Variants in RAD51B observed in about 807,000 individuals in gnomAD.
RAD51B encodes the protein DNA repair protein RAD51 homolog 2.
In RAD51B, 38 loss-of-function variants were observed where a neutral mutation model predicts 42.2. The observed-to-expected ratio is 0.90, with a 90% CI of 0.70 to 1.18. The LOEUF (loss-of-function observed/expected upper bound fraction) is 1.18, where lower values mean the gene tolerates loss of function less well. RAD51B is among the 50% of genes most tolerant of loss of function. RAD51B has a pLI of 0.00. For synonymous variants in RAD51B, 154 were observed against 145.2 expected (o/e 1.06, Z -0.43); for missense variants, 373 against 400.7 (o/e 0.93, Z 0.59).
At chr14:68,037,134 CTA>C (rs2076141562) in intron 7 of RAD51B, among the ~76,000 whole-genome samples, 1 of 9,096 alleles carries the variant, frequency 1.1e-4, no homozygotes, top group Non-Finnish European at 2.1e-4. Flanking sequence ...CTCCCCTACC[CTA>C]CCCTCCCCCC....
intron 8 of RAD51B, among the ~76,000 whole-genome samples, chr14:68,298,900 G>A (rs538633472): frequency 6.6e-6 from 1 of 152,320 alleles, no homozygotes; most frequent in South Asian, 2.1e-4. Context: ...GTGTTGTAAT[G>A]TGGCATGAAG....
intron 8 of RAD51B, among the ~76,000 whole-genome samples, chr14:68,351,419 G>A (rs1378071315): frequency 1.3e-5 from 2 of 151,984 alleles, no homozygotes; most frequent in Non-Finnish European, 2.9e-5. Flanking sequence ...ATTATTTGAT[G>A]AATGTTTATG....
chr14:67,914,846 C>G (rs186965362), intron 7 of RAD51B, among the ~76,000 whole-genome samples: 78 of 152,320 alleles, frequency 5.1e-4, no homozygotes, highest in Admixed American at 2.0e-3. Context: ...CCATCTGAAG[C>G]TGAATAAGGT....
intron 7 of RAD51B, among the ~76,000 whole-genome samples, chr14:67,932,507 G>A (rs1044219223): frequency 1.3e-5 from 2 of 152,092 alleles, no homozygotes; most frequent in Non-Finnish European, 2.9e-5. Context: ...TAGTTTTAGT[G>A]GGACCAAGAG....
intron 5 of RAD51B, among the ~76,000 whole-genome samples, chr14:67,875,473 T>G (rs2042695532): frequency 6.6e-6 from 1 of 152,198 alleles, no homozygotes; most frequent in Non-Finnish European, 1.5e-5. Context: ...AGATGGTGGT[T>G]GCATAAGATT....
intron 8 of RAD51B, among the ~76,000 whole-genome samples, chr14:68,294,431 ATGGATGTTAAGTTCC>A (rs1168316146): frequency 6.6e-6 from 1 of 152,192 alleles, no homozygotes; most frequent in East Asian, 1.9e-4. Context: ...ATATATTACA[ATGGATGTTAAGTTCC>A]TGTGATTTAC....
chr14:68,269,066 C>T (rs2081050114), intron 7 of RAD51B, among the ~76,000 whole-genome samples: 1 of 152,238 alleles, frequency 6.6e-6, no homozygotes, highest in Non-Finnish European at 1.5e-5. Context: ...CTTCTCCCAA[C>T]ACTCAGTGGC....
chr14:68,514,760 C>T (rs1430189674), intron 10 of RAD51B, among the ~76,000 whole-genome samples: 1 of 152,180 alleles, frequency 6.6e-6, no homozygotes, highest in Admixed American at 6.5e-5. Context: ...ACTGGAATCC[C>T]CTTCACCTGC....
At chr14:68,182,773 A>G (rs1314823319) in intron 7 of RAD51B, among the ~76,000 whole-genome samples, 3 of 152,254 alleles carry the variant, frequency 2.0e-5, no homozygotes, top group Non-Finnish European at 2.9e-5. Flanking sequence ...ATTTGCAAAC[A>G]TGCCTAGTTT....
At chr14:67,957,666 C>A (rs1282974625) in intron 7 of RAD51B, among the ~76,000 whole-genome samples, 1 of 152,194 alleles carries the variant, frequency 6.6e-6, no homozygotes, top group African/African-American at 2.4e-5. Context: ...CCAACCATTC[C>A]AAAAGCTAGT....
At chr14:67,882,626 G>A (rs1251646516) in intron 5 of RAD51B, among the ~76,000 whole-genome samples, 7 of 152,136 alleles carry the variant, frequency 4.6e-5, no homozygotes, top group Non-Finnish European at 8.8e-5. Flanking sequence ...TTTCCCCCAT[G>A]AAGGAAATAA....
rs748316980 is a variant in RAD51B, at chr14:68,434,337, C to A, written c.957+22810C>A. 8.5e-5 allele frequency among the ~76,000 whole-genome samples: 13 copies of A among 152,174 alleles called. No homozygotes were observed. The South Asian group carries it at 1.2e-3, about 15-fold the overall frequency. ...TTTTGTTCAGCTATGTCCTGCCCCC[C>A]AGAGGTGGAGTCTACAGAAGCAGGC... is the stretch of plus-strand genomic sequence containing the variant. On this transcript the variant is annotated intron_variant, in intron 9 of 10. Transcript: ENST00000471583.
chr14:68,367,214 A>C (rs2083160277), intron 8 of RAD51B, among the ~76,000 whole-genome samples: 2 of 152,246 alleles, frequency 1.3e-5, no homozygotes, highest in Non-Finnish European at 1.5e-5. Context: ...AAAACTGTTC[A>C]TGAAATATAC....
intron 8 of RAD51B, among the ~76,000 whole-genome samples, chr14:68,296,738 G>A (rs2081621729): frequency 6.6e-6 from 1 of 152,150 alleles, no homozygotes; most frequent in South Asian, 2.1e-4. Context: ...CTTCATTATG[G>A]TGACATGGCC....
intron 8 of RAD51B, among the ~76,000 whole-genome samples, chr14:68,389,267 C>T (rs1351446415): frequency 6.6e-6 from 1 of 152,198 alleles, no homozygotes; most frequent in Non-Finnish European, 1.5e-5. Context: ...TCCTTCCTGT[C>T]ATGACCCCAT....
At chr14:68,299,294 T>G (rs903844275) in intron 8 of RAD51B, among the ~76,000 whole-genome samples, 1 of 152,040 alleles carries the variant, frequency 6.6e-6, no homozygotes, top group Middle Eastern at 3.2e-3. Context: ...GATAGTGCAG[T>G]TGGCCCTCCT....
In RAD51B at chr14:68,507,083, G is replaced by C. The variant is rs568549986; in HGVS notation, c.1036+38833G>C. On this transcript the variant is annotated intron_variant, in intron 10 of 10. Coordinates refer to the RAD51B transcript ENST00000487270. ...GGAGAGTGTGTATGTGGAGGGGGTG[G>C]GGAGGGAGTGTGGGCATCACCGCAC... is the stretch of plus-strand genomic sequence containing the variant. Among the ~76,000 whole-genome samples, 328 of 152,220 alleles carry C rather than the reference G, an allele frequency of 2.2e-3. 1 individual carries two copies. Among genetic ancestry groups the C allele is most frequent in the African/African-American group, 7.4e-3 (309 of 41,536 alleles).
At chr14:68,550,963 C>T (rs1888528982) in intron 10 of RAD51B, among the ~76,000 whole-genome samples, 1 of 152,168 alleles carries the variant, frequency 6.6e-6, no homozygotes, top group Non-Finnish European at 1.5e-5. Flanking sequence ...AACATCCTAG[C>T]AGAGGGTGGA....
rs565411951 is a variant in RAD51B, at chr14:68,569,454, C to T, written c.1037-25031C>T. Among the ~76,000 whole-genome samples, 15 of 152,336 alleles carry T rather than the reference C, an allele frequency of 9.8e-5. No individual in the cohort carries two copies. The East Asian group carries it at 2.1e-3, about 22-fold the overall frequency. On this transcript the variant is annotated intron_variant, in intron 10 of 10. Transcript: ENST00000487270. The stretch of plus-strand genomic sequence containing the variant: ...AGCGCTCTTTCTCCCCTTGGATGCA[C>T]TCAAATTTCACAAGTTACAGGGAAC...
Sources: allele counts gnomAD v4.1 joint callset (sites outside exome capture counted in the v4.1 genomes callset), GRCh38; gene constraint gnomAD v4.1.1; transcripts MANE v1.5; gene names NCBI Gene and HGNC (gene_info 2026-07-23, HGNC 2026-07-21).